ENOX1: variants seen among roughly 807,000 people sequenced by gnomAD.
The protein encoded by ENOX1 is ecto-NOX disulfide-thiol exchanger 1, also known as candidate growth-related and time keeping constitutive hydroquinone (NADH) oxidase.
Under a neutral mutation model 82.5 loss-of-function variants are expected in ENOX1, and 42 were observed. The ratio of observed to expected loss-of-function variants is 0.51; its 90% confidence interval spans 0.40 to 0.66. The LOEUF is 0.66. Ranked by LOEUF, ENOX1 falls within the 30% of genes least tolerant of loss-of-function variation. The probability of loss-of-function intolerance (pLI) is 0.00; values close to 1 mark genes in which losing one functional copy is unlikely to be tolerated. For synonymous variants in ENOX1, 271 were observed against 282.2 expected, an observed-to-expected ratio of 0.96 and a Z score of 0.40; for missense variants, 608 against 811.6, an observed-to-expected ratio of 0.75 and a Z score of 3.05.
At chr13:43,273,339 G>A (rs1449803837) in intron 12 of ENOX1, among the ~76,000 whole-genome samples, 3 of 152,078 alleles carry the variant, frequency 2.0e-5, no homozygotes, top group East Asian at 1.9e-4. Flanking sequence ...CCATTTACCC[G>A]ACACTCCTGA....
chr13:43,346,874 T>C (rs965686508), intron 8 of ENOX1, among the ~76,000 whole-genome samples: 1 of 151,604 alleles, frequency 6.6e-6, no homozygotes, highest in Non-Finnish European at 1.5e-5. Context: ...AAGAAATCTT[T>C]TTTTTTTTCC....
At chr13:43,378,036 T>A (rs1334871586) in intron 5 of ENOX1, among the ~76,000 whole-genome samples, 1 of 151,974 alleles carries the variant, frequency 6.6e-6, no homozygotes, top group Non-Finnish European at 1.5e-5. Flanking sequence ...ATACCAAATG[T>A]TTGACTTTTA....
intron 2 of ENOX1, among the ~76,000 whole-genome samples, chr13:43,504,171 TA>T (rs759265084): frequency 1.3e-3 from 199 of 151,816 alleles, no homozygotes; most frequent in Non-Finnish European, 2.1e-3. Flanking sequence ...AATAAAAAGA[TA>T]ACAAATGTTG....
At chr13:43,282,380 C>T (rs971861043) in intron 12 of ENOX1, among the ~76,000 whole-genome samples, 8 of 151,328 alleles carry the variant, frequency 5.3e-5, no homozygotes, top group Admixed American at 2.6e-4. Context: ...ACTAGCCTTA[C>T]GAATTAGTTG....
intron 1 of ENOX1, among the ~76,000 whole-genome samples, chr13:43,761,474 T>C (rs1950970495): frequency 6.6e-6 from 1 of 152,016 alleles, no homozygotes; most frequent in Non-Finnish European, 1.5e-5. Context: ...TCTGTGAGAG[T>C]ATAAAAAACT....
intron 2 of ENOX1, among the ~76,000 whole-genome samples, chr13:43,616,522 C>T (rs181324465): frequency 6.6e-6 from 1 of 151,904 alleles, no homozygotes; most frequent in African/African-American, 2.4e-5. Context: ...ATTTTTAAAT[C>T]CTTTCAATAC....
chr13:43,443,658 T>C (rs2056477881), intron 3 of ENOX1, among the ~76,000 whole-genome samples: 1 of 151,958 alleles, frequency 6.6e-6, no homozygotes, highest in Non-Finnish European at 1.5e-5. Flanking sequence ...TATATCCCGG[T>C]GGTGGGAATA....
chr13:43,722,190 T>C (rs1594569887), intron 1 of ENOX1, among the ~76,000 whole-genome samples: 1 of 152,334 alleles, frequency 6.6e-6, no homozygotes, highest in East Asian at 1.9e-4. Context: ...AGTGAAAGCA[T>C]TTTGCAAATT....
chr13:43,447,204 A>G (rs2056696861), intron 3 of ENOX1, among the ~76,000 whole-genome samples: 1 of 152,210 alleles, frequency 6.6e-6, no homozygotes, highest in Non-Finnish European at 1.5e-5. Context: ...TTCTGGATAA[A>G]CTGTCTGATT....
chr13:43,332,013 G>A (rs762638319), intron 9 of ENOX1, among the ~76,000 whole-genome samples: 8 of 151,996 alleles, frequency 5.3e-5, no homozygotes, highest in Non-Finnish European at 1.2e-4. Context: ...GGCATTCTGG[G>A]GTTTTGTCTT....
chr13:43,686,216 C>G (rs2086068059), intron 1 of ENOX1, among the ~76,000 whole-genome samples: 2 of 152,034 alleles, frequency 1.3e-5, no homozygotes, highest in Non-Finnish European at 2.9e-5. Flanking sequence ...TTGAGGTAGA[C>G]TGGTAGTATT....
At chr13:43,629,355 T>C (rs900644223) in intron 2 of ENOX1, among the ~76,000 whole-genome samples, 2 of 152,204 alleles carry the variant, frequency 1.3e-5, no homozygotes, top group African/African-American at 4.8e-5. Flanking sequence ...TCTGTGCCCA[T>C]TGGTATTCCC....
chr13:43,331,972 T>C lies in ENOX1; in HGVS notation c.1037-5447A>G, dbSNP rs559151657. On this transcript the variant is annotated intron_variant, in intron 9 of 16. Coordinates refer to ENST00000690772, the MANE Select transcript of ENOX1 (RefSeq NM_001347969.2). ...GTCAAACCCATACTTTAAGGAGGGATGGACCGGAATTTCAAATAGAGGAAG... is the reference window on the plus strand; with the variant it reads ...GTCAAACCCATACTTTAAGGAGGGACGGACCGGAATTTCAAATAGAGGAAG... Among the ~76,000 whole-genome samples the C allele has an allele frequency of 2.0e-5, 3 of 152,162 alleles. No homozygotes were observed. The East Asian group carries it at 5.8e-4, about 29-fold the overall frequency.
chr13:43,458,526 G>C (rs1215237786), intron 3 of ENOX1: 1 of 152,188 alleles, frequency 6.6e-6, no homozygotes, highest in Non-Finnish European at 1.5e-5. Flanking sequence ...GGGGTGTGCA[G>C]AGCTCTTACA....
intron 2 of ENOX1, among the ~76,000 whole-genome samples, chr13:43,615,343 G>A (rs1495767): frequency 6.5e-4 from 99 of 152,150 alleles, no homozygotes; most frequent in African/African-American, 2.0e-3. Context: ...CAAAAGAGGC[G>A]GAGCAAGGCA....
intron 2 of ENOX1, among the ~76,000 whole-genome samples, chr13:43,497,665 T>C (rs776085413): frequency 5.3e-5 from 8 of 152,146 alleles, no homozygotes; most frequent in Non-Finnish European, 1.2e-4. Context: ...CATTTTTGTG[T>C]CTATGATCAT....
intron 1 of ENOX1, among the ~76,000 whole-genome samples, chr13:43,670,876 AACAAC>A (rs2085234010): frequency 6.6e-6 from 1 of 151,816 alleles, no homozygotes; most frequent in Non-Finnish European, 1.5e-5. Context: ...CAACAACAAC[AACAAC>A]AAAACACCAG....
intron 2 of ENOX1, among the ~76,000 whole-genome samples, chr13:43,617,602 G>A (rs138050297): frequency 1.5e-3 from 231 of 152,168 alleles, no homozygotes; most frequent in African/African-American, 5.3e-3. Flanking sequence ...TATATACCAC[G>A]GTTTCTTTAT....
intron 12 of ENOX1, among the ~76,000 whole-genome samples, chr13:43,271,665 A>T (rs1459424806): frequency 7.1e-6 from 1 of 140,690 alleles, no homozygotes; most frequent in South Asian, 2.2e-4. Flanking sequence ...CCTTCTATTA[A>T]AACACACACA....
Sources: allele counts gnomAD v4.1 joint callset (sites outside exome capture counted in the v4.1 genomes callset), GRCh38; gene constraint gnomAD v4.1.1; transcripts MANE v1.5; gene names NCBI Gene and HGNC (gene_info 2026-07-23, HGNC 2026-07-21).